PRICKLE1: variants seen among roughly 807,000 people sequenced by gnomAD.
PRICKLE1 encodes the protein prickle-like protein 1.
A neutral mutation model predicts 70.2 loss-of-function variants in PRICKLE1; 14 were observed. The ratio of observed to expected loss-of-function variants is 0.20; its 90% CI spans 0.13 to 0.31. PRICKLE1 has a LOEUF of 0.31. Ranked by LOEUF, PRICKLE1 falls within the 10% of genes least tolerant of loss-of-function variation. The pLI, the probability that PRICKLE1 is intolerant of heterozygous loss-of-function variation, is 1.00. For synonymous variants in PRICKLE1, 357 were observed against 379.9 expected (o/e 0.94, Z 0.70); for missense variants, 821 against 1,026.2 (o/e 0.80, Z 2.73).
intron 1 of PRICKLE1, among the ~76,000 whole-genome samples, chr12:42,542,969 A>G (rs1175230824): frequency 6.6e-6 from 1 of 152,226 alleles, no homozygotes; most frequent in African/African-American, 2.4e-5. Context: ...TCTCACAAAC[A>G]GGATTCATTG....
At chr12:42,547,971 TAC>T (rs551514668) in intron 1 of PRICKLE1, among the ~76,000 whole-genome samples, 77 of 152,370 alleles carry the variant, frequency 5.1e-4, no homozygotes, top group Admixed American at 1.1e-3. Context: ...ATACAACTTA[TAC>T]ACATAGCCTG....
intron 2 of PRICKLE1, among the ~76,000 whole-genome samples, chr12:42,470,969 AAG>A (rs1224129733): frequency 6.6e-6 from 1 of 152,120 alleles, no homozygotes; most frequent in Non-Finnish European, 1.5e-5. Flanking sequence ...AGAGATCAGC[AAG>A]AGAGAGAGTC....
chr12:42,495,123 C>G (rs930992509), intron 1 of PRICKLE1, among the ~76,000 whole-genome samples: 4 of 151,652 alleles, frequency 2.6e-5, no homozygotes, highest in Non-Finnish European at 5.9e-5. Flanking sequence ...AATCCCAGCA[C>G]TTTGGAAAGT....
chr12:42,506,406 AC>A (rs1191334555), intron 1 of PRICKLE1, among the ~76,000 whole-genome samples: 1 of 150,474 alleles, frequency 6.6e-6, no homozygotes, highest in Non-Finnish European at 1.5e-5. Context: ...ATAGGCACCC[AC>A]CACCACTCCC....
rs1300648682 is a variant in PRICKLE1, at chr12:42,457,993, A to C, written c.*1816T>G. On this transcript the variant is annotated 3_prime_UTR_variant, in exon 8 of 8. Transcript: ENST00000345127. ...GATGGTTTTTTAAAGGCACCAGACCAGGGAATGTAAGTTACTGAGTGAAGA... is the reference window on the plus strand; with the variant it reads ...GATGGTTTTTTAAAGGCACCAGACCCGGGAATGTAAGTTACTGAGTGAAGA... 6.6e-6 allele frequency: 1 copy of C among 152,234 alleles called. No individual in the cohort carries two copies. The highest frequency in any genetic ancestry group is 1.5e-5 in the Non-Finnish European group (1 of 68,038). The allele number at this position is 152,234 out of a possible 1,614,324, so 9.4% of individuals were successfully genotyped here.
intron 1 of PRICKLE1, among the ~76,000 whole-genome samples, chr12:42,549,689 C>T (rs1940278732): frequency 6.6e-6 from 1 of 152,162 alleles, no homozygotes; most frequent in Non-Finnish European, 1.5e-5. Context: ...AGTCCGTTTC[C>T]ACCTCCTCTA....
At chr12:42,477,218 C>T (rs897465318) in intron 1 of PRICKLE1, among the ~76,000 whole-genome samples, 4 of 151,372 alleles carry the variant, frequency 2.6e-5, no homozygotes, top group Non-Finnish European at 4.4e-5. Flanking sequence ...ACTAAAAATA[C>T]AAAATTATCC....
At chr12:42,469,375 C>T (rs370961260) in intron 4 of PRICKLE1, 75 bp downstream of exon 4, 1 of 1,579,096 alleles carries the variant, frequency 6.3e-7, no homozygotes. Context: ...TCTGCTAGTC[C>T]AGTCACCTAC....
At chr12:42,532,894 C>CA (rs11413258) in intron 1 of PRICKLE1, among the ~76,000 whole-genome samples, 106,331 of 133,058 alleles carry the variant, frequency 0.8, 42,741 homozygotes, top group East Asian at 0.88. Flanking sequence ...GACTCCGTCT[C>CA]AAAAAAAAAA....
intron 1 of PRICKLE1, among the ~76,000 whole-genome samples, chr12:42,515,853 A>G (rs921442124): frequency 6.6e-6 from 1 of 152,152 alleles, no homozygotes; most frequent in Admixed American, 6.5e-5. Context: ...GATGATGTAC[A>G]TTGGTATGAA....
At chr12:42,477,480 GTGTATATATA>G (rs1469618960) in intron 1 of PRICKLE1, among the ~76,000 whole-genome samples, 6 of 69,034 alleles carry the variant, frequency 8.7e-5, no homozygotes, top group African/African-American at 1.4e-4. Flanking sequence ...GTGTGTGTGT[GTGTATATATA>G]TATATATATA....
Position 42,466,290 on chromosome 12 carries a change from C to T in PRICKLE1, c.679G>A (p.Gly227Arg). The T allele has an allele frequency of 6.2e-7, 1 of 1,614,180 alleles. No homozygotes were observed. Among genetic ancestry groups the T allele is most frequent in the South Asian group, 1.1e-5 (1 of 91,082 alleles). Residue 227 changes from glycine to arginine, a missense_variant, in exon 6 of 8, where the codon GGA (glycine) becomes AGA (arginine). Coordinates refer to ENST00000345127, the MANE Select transcript of PRICKLE1 (RefSeq NM_153026.3). ...CCGTCCTTCATGATATACCTCTGTC[C>T]TCCCAGGACCGTTTCACACTCAAGG... Reference protein sequence around the residue: ...CCLECETVLGGQRYIMKDGRP... With the variant: ...CCLECETVLGRQRYIMKDGRP...
chr12:42,530,734 T>C (rs566664610), intron 1 of PRICKLE1, among the ~76,000 whole-genome samples: 42 of 128,376 alleles, frequency 3.3e-4, no homozygotes, highest in Non-Finnish European at 1.4e-4. Flanking sequence ...CAGCCCAGGC[T>C]AGAGTGCAAT....
intron 1 of PRICKLE1, among the ~76,000 whole-genome samples, chr12:42,555,017 C>A (rs1195041743): frequency 6.6e-6 from 1 of 151,830 alleles, no homozygotes; most frequent in African/African-American, 2.4e-5. Flanking sequence ...TACATAAATT[C>A]TCAGGCCGGG....
chr12:42,457,269 A>G lies in PRICKLE1; in HGVS notation c.*2540T>C, dbSNP rs1937628589. On this transcript the variant is annotated 3_prime_UTR_variant, in exon 8 of 8. Transcript: ENST00000345127. ...GCCTTTGGCAGGCTATGTTACCCCT[A>G]TCTTTTGAGAATGTACTTGAAAAGT... 1.3e-5 allele frequency: 2 copies of G among 152,050 alleles called. No homozygotes were observed. The highest frequency in any genetic ancestry group is 2.1e-4 in the South Asian group (1 of 4,822). 9.4% of individuals were successfully genotyped at this position (152,050 alleles called of 1,614,324 possible). A position where few individuals can be genotyped will look rare whatever the true frequency, so the allele number is the denominator to read the frequency against.
chr12:42,490,454 G>A (rs970962764), intron 1 of PRICKLE1, among the ~76,000 whole-genome samples: 2 of 152,218 alleles, frequency 1.3e-5, no homozygotes, highest in Non-Finnish European at 1.5e-5. Flanking sequence ...AGTTATTCTA[G>A]GGGTAGTGGG....
intron 1 of PRICKLE1, among the ~76,000 whole-genome samples, chr12:42,515,331 C>A (rs1939591152): frequency 6.6e-6 from 1 of 151,830 alleles, no homozygotes; most frequent in Non-Finnish European, 1.5e-5. Context: ...CCTTCGCCTC[C>A]CAGGTTCAAG....
Position 42,459,763 on chromosome 12 carries a change from C to A in PRICKLE1, c.*46G>T, listed in dbSNP as rs147122337. 1.6e-5 allele frequency: 25 copies of A among 1,610,478 alleles called. No individual in the cohort carries two copies. Among genetic ancestry groups the A allele is most frequent in the Non-Finnish European group, 2.1e-5 (25 of 1,177,268 alleles). ...ACGGAAGAAAAGGAAACGATTCAGA[C>A]GGTTAATGGCTAAGTTTTAAACAAA... On this transcript the variant is annotated 3_prime_UTR_variant, in exon 8 of 8. Transcript: ENST00000345127.
chr12:42,485,686 T>C (rs1402670263), intron 1 of PRICKLE1, among the ~76,000 whole-genome samples: 1 of 152,218 alleles, frequency 6.6e-6, no homozygotes, highest in East Asian at 1.9e-4. Context: ...GGTGAATACA[T>C]TAAGCCAGGC....
Sources: gnomAD v4.1 joint callset for allele counts (sites outside exome capture counted in the v4.1 genomes callset) on GRCh38, gnomAD v4.1.1 for gene constraint, MANE v1.5 for transcripts, NCBI Gene and HGNC (gene_info 2026-07-23, HGNC 2026-07-21) for gene names.